The following ZFP28 variants were observed in gnomAD, a reference collection of about 807,000 sequenced individuals.
ZFP28 encodes ZFP28 zinc finger protein.
ZFP28 carries 31 observed loss-of-function variants against 39.5 expected under a neutral mutation model. That is an observed-to-expected ratio of 0.79 (90% CI 0.59 to 1.06). The LOEUF is 1.06. ZFP28 is among the 50% of genes least tolerant of loss of function. ZFP28 has a pLI of 0.00. For synonymous variants in ZFP28, 400 were observed against 378.6 expected (o/e 1.06, Z -0.66); for missense variants, 925 against 1,048.4 (o/e 0.88, Z 1.63).
intron 2 of ZFP28, among the ~76,000 whole-genome samples, chr19:56,543,095 A>G (rs914783357): frequency 2.0e-5 from 3 of 152,150 alleles, no homozygotes; most frequent in Non-Finnish European, 2.9e-5. Context: ...TGTACACTTC[A>G]TCAGGAATAA....
chr19:56,548,058 T>G (rs530020536), intron 4 of ZFP28, among the ~76,000 whole-genome samples, 156 bp downstream of exon 4: 5 of 152,328 alleles, frequency 3.3e-5, no homozygotes, highest in Admixed American at 3.3e-4. Flanking sequence ...AACTACAGTA[T>G]TATTTCCAGA....
rs1475838039 is a variant in ZFP28, at chr19:56,553,788, T to A, written c.1003T>A (p.Phe335Ile). 5.6e-6 allele frequency: 9 copies of A among 1,614,022 alleles called. No individual in the cohort carries two copies. The highest frequency in any genetic ancestry group is 7.6e-6 in the Non-Finnish European group (9 of 1,180,030). ...AAACACTAAACTTGATTGTTCCAGT[T>A]TCAGAGAAAATTGGGATTCTGACTA... Reference protein sequence around the residue: ...TSNTKLDCSSFRENWDSDYVF... With the variant: ...TSNTKLDCSSIRENWDSDYVF... The change falls in exon 8 of 8, where the codon TTC (phenylalanine) becomes ATC (isoleucine). Residue 335 changes from phenylalanine (F) to isoleucine (I), a missense_variant. Physicochemically the swap from Phe to Ile is conservative, Grantham distance 21. This residue lies in a region of ZFP28 where 556 missense variants were observed against 542.9 expected (regional missense o/e 1.02). Transcript: ENST00000301318.
chr19:56,555,556 T>A lies in ZFP28; in HGVS notation c.*164T>A. On this transcript the variant is annotated 3_prime_UTR_variant, in exon 8 of 8. Transcript: ENST00000301318. ...TATAGTTTCTTTAAATTGGTTAATG[T>A]GTGAGATGTGCTCAGCACAGTGCCT... is the stretch of plus-strand genomic sequence containing the variant. The A allele has an allele frequency of 1.0e-6, 1 of 999,900 alleles. No individual in the cohort carries two copies. Among genetic ancestry groups the A allele is most frequent in the Non-Finnish European group, 1.4e-6 (1 of 691,096 alleles). 61.9% of individuals were successfully genotyped at this position (999,900 alleles called of 1,614,324 possible).
chr19:56,549,671 C>T (rs1316383956), intron 5 of ZFP28, among the ~76,000 whole-genome samples: 10 of 150,598 alleles, frequency 6.6e-5, no homozygotes, highest in South Asian at 2.1e-4. Flanking sequence ...AGCAAGACTC[C>T]GTCTCAAAAA....
At chr19:56,552,482 A>G (rs2044312703) in intron 7 of ZFP28, 1 of 152,088 alleles carries the variant, frequency 6.6e-6, no homozygotes, top group African/African-American at 2.4e-5. Context: ...TAGAGTTTGT[A>G]TTCTATTCAT....
At chr19:56,539,349 C>T in intron 1 of ZFP28, 123 bp downstream of exon 1, 1 of 1,068,730 alleles carries the variant, frequency 9.4e-7, no homozygotes, top group Non-Finnish European at 1.3e-6. Context: ...GTCTTTGAAG[C>T]TGGTGGAGTG....
upstream of ZFP28, chr19:56,538,833 AGCGGGGAGGGGTG>A (rs2147944268): frequency 3.8e-5 from 1 of 26,556 alleles, no homozygotes; most frequent in African/African-American, 4.2e-4. Flanking sequence ...GGGGCGGGGC[AGCGGGGAGGGGTG>A]GGGAGGGGCG....
At chr19:56,551,882 C>T (rs1288645167) in intron 7 of ZFP28, 26 of 982,326 alleles carry the variant, frequency 2.6e-5, no homozygotes, top group African/African-American at 3.5e-5. Flanking sequence ...TATAAGCATA[C>T]TAATTCTGTG....
chr19:56,546,428 GC>G (rs2044242073), intron 2 of ZFP28: 1 of 152,172 alleles, frequency 6.6e-6, no homozygotes, highest in Non-Finnish European at 1.5e-5. Context: ...GAGCTGAGCA[GC>G]CCCATCTTGC....
At chr19:56,549,502 C>T (rs142162635) in intron 5 of ZFP28, among the ~76,000 whole-genome samples, 2,767 of 152,124 alleles carry the variant, frequency 0.018, 35 homozygotes, top group Non-Finnish European at 0.026. Flanking sequence ...ATTGTGAAAC[C>T]CTGTCTCTAC....
At chr19:56,540,411 G>A (rs1026104389) in intron 2 of ZFP28, among the ~76,000 whole-genome samples, 3 of 152,128 alleles carry the variant, frequency 2.0e-5, no homozygotes, top group Admixed American at 1.3e-4. Flanking sequence ...TGTTTGTTTC[G>A]GTTGGCTTCT....
At chr19:56,541,104 G>A (rs889644596) in intron 2 of ZFP28, among the ~76,000 whole-genome samples, 2 of 152,084 alleles carry the variant, frequency 1.3e-5, no homozygotes, top group African/African-American at 4.8e-5. Context: ...TGTGTATCCT[G>A]CTCCACTCCT....
rs746072687 is a variant in ZFP28, at chr19:56,550,607, T to C, written c.898+2T>C. 6.2e-7 allele frequency: 1 copy of C among 1,614,062 alleles called. No homozygotes were observed. Among genetic ancestry groups the C allele is most frequent in the East Asian group, 2.2e-5 (1 of 44,882 alleles). On this transcript the variant is annotated splice_donor_variant, in intron 7 of 7. Transcript: ENST00000301318. LOFTEE classifies it high-confidence loss of function. ...AGCTGACAGGAAGCCTGTTCTCAGG[T>C]GAGTGCAGGAGAGCCTGGTGTGGAA... is the stretch of plus-strand genomic sequence containing the variant.
intron 4 of ZFP28, 34 bp from the exon 5 acceptor site, chr19:56,548,924 T>C: frequency 6.3e-7 from 1 of 1,583,446 alleles, no homozygotes; most frequent in Non-Finnish European, 8.6e-7. Context: ...TAACACATGA[T>C]AAAAGATAAA....
intron 5 of ZFP28, 123 bp from the exon 6 acceptor site, chr19:56,549,944 A>G: frequency 1.5e-6 from 1 of 669,744 alleles, no homozygotes; most frequent in East Asian, 2.8e-5. Context: ...GGTGTACCAG[A>G]ACTTAAGTTG....
At chr19:56,549,286 A>G (rs1242528646) in intron 5 of ZFP28, among the ~76,000 whole-genome samples, 165 bp downstream of exon 5, 1 of 152,250 alleles carries the variant, frequency 6.6e-6, no homozygotes, top group Non-Finnish European at 1.5e-5. Flanking sequence ...CCTAATCTCC[A>G]TACACATAAG....
chr19:56,538,644 G>A (rs969368902), upstream of ZFP28: 6 of 151,872 alleles, frequency 4.0e-5, no homozygotes, highest in African/African-American at 1.5e-4. Flanking sequence ...GAGCTCCGAG[G>A]GCCGCCGCAT....
In ZFP28 at chr19:56,553,813, A is replaced by T; in HGVS notation, c.1028A>T (p.Tyr343Phe). 1 of 1,614,138 alleles carries T rather than the reference A, an allele frequency of 6.2e-7. No homozygotes were observed. The highest frequency in any genetic ancestry group is 8.5e-7 in the Non-Finnish European group (1 of 1,180,012). The change falls in exon 8 of 8, where the codon TAT becomes TTT. Residue 343 changes from tyrosine to phenylalanine, a missense_variant. Around this residue, in one of 2 missense-constraint regions of ZFP28, gnomAD observed 556 missense variants for 542.9 expected, o/e 1.02. Transcript: ENST00000301318. ...TTCAGAGAAAATTGGGATTCTGACT[A>T]TGTGTTTGGAAGGAAGCTTGCAGTA... Reference protein sequence around the residue: ...SSFRENWDSDYVFGRKLAVGQ... With the variant: ...SSFRENWDSDFVFGRKLAVGQ...
Position 56,555,775 on chromosome 19 carries a change from CT to C in ZFP28, c.*384del, listed in dbSNP as rs957867278. On this transcript the variant is annotated 3_prime_UTR_variant, in exon 8 of 8. Transcript: ENST00000301318. ...CCTTTGTTGGTTTTAAAACTTGATT[CT>C]ATAATGCCAAGTTAGTTTTGTGGCT... 1 of 174,066 alleles carries C rather than the reference CT, an allele frequency of 5.7e-6. No homozygotes were observed. The highest frequency in any genetic ancestry group is 2.4e-5 in the African/African-American group (1 of 42,064). 10.8% of individuals were successfully genotyped at this position (174,066 alleles called of 1,614,324 possible).
Sources: allele counts gnomAD v4.1 joint callset (sites outside exome capture counted in the v4.1 genomes callset), GRCh38; gene constraint gnomAD v4.1.1; regional missense constraint gnomAD v4.1.1; transcripts MANE v1.5; gene names NCBI Gene and HGNC (gene_info 2026-07-23, HGNC 2026-07-21).